JADE1: variants seen among roughly 807,000 people sequenced by gnomAD.
The protein encoded by JADE1 is protein Jade-1.
JADE1 carries 14 observed loss-of-function variants against 81.8 expected under a neutral mutation model. The observed-to-expected ratio is 0.17, with a 90% CI of 0.11 to 0.27. JADE1 has a LOEUF of 0.27. JADE1 is among the 10% of genes least tolerant of loss of function. The pLI is 1.00. For synonymous variants in JADE1, 353 were observed against 391.9 expected (o/e 0.90, Z 1.17); for missense variants, 690 against 1,047.9 (o/e 0.66, Z 4.71).
chr4:128,844,141 C>CTGATGT (rs1242575897), intron 3 of JADE1, among the ~76,000 whole-genome samples: 21 of 152,112 alleles, frequency 1.4e-4, no homozygotes, highest in Non-Finnish European at 2.9e-4. Context: ...GTCTGTAACC[C>CTGATGT]CCAAAATACC....
intron 1 of JADE1, 72 bp downstream of exon 1, chr4:128,809,949 G>C (rs2125770834): frequency 6.6e-6 from 1 of 152,584 alleles, no homozygotes; most frequent in East Asian, 1.9e-4. Context: ...TCCGCGTGTG[G>C]GTCCGTGTGC....
chr4:128,860,025 T>C (rs1224671832), intron 8 of JADE1, among the ~76,000 whole-genome samples: 1 of 152,242 alleles, frequency 6.6e-6, no homozygotes, highest in African/African-American at 2.4e-5. Flanking sequence ...AAGTCCTGTA[T>C]AAATATTCTG....
At chr4:128,867,202 G>T (rs761500685) in intron 9 of JADE1, among the ~76,000 whole-genome samples, 1 of 152,148 alleles carries the variant, frequency 6.6e-6, no homozygotes, top group Admixed American at 6.5e-5. Context: ...GGCAAAGCTG[G>T]AAATTTCCTA....
At chr4:128,868,826 T>C (rs13125643) in intron 10 of JADE1, among the ~76,000 whole-genome samples, 27,729 of 152,126 alleles carry the variant, frequency 0.18, 2,816 homozygotes, top group Middle Eastern at 0.32. Context: ...ATGGAACAGG[T>C]AGGTCTTAGA....
At chr4:128,811,678 C>CCGCCCCGCA (rs1726399714) in intron 1 of JADE1, among the ~76,000 whole-genome samples, 1 of 147,516 alleles carries the variant, frequency 6.8e-6, no homozygotes, top group African/African-American at 2.4e-5. Context: ...CCCGCCGCGC[C>CCGCCCCGCA]CGCCCCGCAC....
At chr4:128,847,597 T>A (rs571117853) in intron 4 of JADE1, among the ~76,000 whole-genome samples, 1 of 152,318 alleles carries the variant, frequency 6.6e-6, no homozygotes, top group South Asian at 2.1e-4. Flanking sequence ...ATCACCTGAT[T>A]CAGCACTGGC....
intron 2 of JADE1, among the ~76,000 whole-genome samples, chr4:128,834,212 T>C (rs1387177108): frequency 3.9e-5 from 6 of 152,178 alleles, no homozygotes; most frequent in Non-Finnish European, 8.8e-5. Flanking sequence ...AAATTTGTTT[T>C]CTCACAGTTC....
intron 6 of JADE1, 96 bp from the exon 7 acceptor site, chr4:128,855,534 A>C: frequency 7.8e-7 from 1 of 1,276,230 alleles, no homozygotes; most frequent in Admixed American, 2.8e-5. Flanking sequence ...TAGTTCTGTT[A>C]AAATCTTTCT....
rs1211084164 is a variant in JADE1 at position 128,833,433 on chromosome 4, G to A, written c.52+1623G>A. Among the ~76,000 whole-genome samples the A allele has an allele frequency of 2.6e-5, 4 of 152,284 alleles. No homozygotes were observed. In the South Asian group the frequency reaches 8.3e-4, roughly 32 times the overall value. ...AAAAAAAATAGTCTTGCCTGGCCTG[G>A]TGGCTCACGCCTGTATTCCCCAGCA... On this transcript the variant is annotated intron_variant, in intron 2 of 10. Coordinates refer to ENST00000226319, the MANE Select transcript of JADE1 (RefSeq NM_199320.4).
chr4:128,842,889 C>G, intron 2 of JADE1, 64 bp from the exon 3 acceptor site: 1 of 1,448,562 alleles, frequency 6.9e-7, no homozygotes, highest in Non-Finnish European at 9.7e-7. Context: ...TAAGAAAACC[C>G]CTGAGAACAC....
intron 5 of JADE1, among the ~76,000 whole-genome samples, chr4:128,851,238 T>G (rs1328281444): frequency 6.6e-6 from 1 of 152,222 alleles, no homozygotes; most frequent in African/African-American, 2.4e-5. Flanking sequence ...TTTTTTGCAT[T>G]TGGTTAACTA....
chr4:128,817,415 TC>T (rs1165204450), intron 1 of JADE1, among the ~76,000 whole-genome samples: 3 of 152,296 alleles, frequency 2.0e-5, no homozygotes, highest in East Asian at 3.9e-4. Flanking sequence ...CATGGCATCT[TC>T]CATGAGAGTT....
chr4:128,855,162 G>A (rs529418311), intron 6 of JADE1, among the ~76,000 whole-genome samples: 2 of 152,074 alleles, frequency 1.3e-5, no homozygotes, highest in African/African-American at 2.4e-5. Flanking sequence ...GCTGCTGTAT[G>A]CTTTTTCTCC....
intron 1 of JADE1, among the ~76,000 whole-genome samples, chr4:128,828,292 G>A (rs1728242322): frequency 6.6e-6 from 1 of 152,188 alleles, no homozygotes; most frequent in Admixed American, 6.5e-5. Flanking sequence ...CCATTGCCCT[G>A]AGAGTCAGGA....
chr4:128,854,723 A>G (rs190736266), intron 6 of JADE1, among the ~76,000 whole-genome samples: 2 of 152,284 alleles, frequency 1.3e-5, no homozygotes, highest in Admixed American at 6.5e-5. Context: ...TAAAGTGCTG[A>G]ACAGTTGGGT....
intron 3 of JADE1, among the ~76,000 whole-genome samples, chr4:128,843,941 C>T (rs998204246): frequency 5.3e-5 from 8 of 152,178 alleles, no homozygotes; most frequent in Non-Finnish European, 4.4e-5. Context: ...AAGTAGTTTA[C>T]ATCCTTTAGA....
chr4:128,834,123 G>A (rs902677649), intron 2 of JADE1, among the ~76,000 whole-genome samples: 8 of 152,230 alleles, frequency 5.3e-5, no homozygotes, highest in African/African-American at 1.9e-4. Flanking sequence ...GAGGGTCTTA[G>A]TAGCGCAGAA....
chr4:128,829,497 A>G (rs1361053440), intron 1 of JADE1, among the ~76,000 whole-genome samples: 1 of 152,212 alleles, frequency 6.6e-6, no homozygotes, highest in African/African-American at 2.4e-5. Context: ...TAGGGACCTA[A>G]ATATTTGGAT....
intron 4 of JADE1, among the ~76,000 whole-genome samples, chr4:128,848,117 A>C (rs531272344): frequency 6.6e-6 from 1 of 152,302 alleles, no homozygotes; most frequent in South Asian, 2.1e-4. Flanking sequence ...TGGGAGAGTC[A>C]GTCCCCTTCT....
Sources: allele counts gnomAD v4.1 joint callset (sites outside exome capture counted in the v4.1 genomes callset), GRCh38; gene constraint gnomAD v4.1.1; transcripts MANE v1.5; gene names NCBI Gene and HGNC (gene_info 2026-07-23, HGNC 2026-07-21).